CACNA1D: variants seen among roughly 807,000 people sequenced by gnomAD.
CACNA1D encodes voltage-dependent L-type calcium channel subunit alpha-1D.
Under a neutral mutation model 257.1 loss-of-function variants are expected in CACNA1D, and 55 were observed. The observed-to-expected ratio is 0.21, with a 90% CI of 0.17 to 0.27. The LOEUF is 0.27. Ranked by LOEUF, CACNA1D falls within the 10% of genes least tolerant of loss-of-function variation. The probability of loss-of-function intolerance (pLI) is 1.00; values close to 1 mark genes in which losing one functional copy is unlikely to be tolerated. For missense variants in CACNA1D, 1,876 were observed against 2,784.0 expected, an observed-to-expected ratio of 0.67 and a Z score of 7.34; for synonymous variants, 980 against 1,014.9, an observed-to-expected ratio of 0.97 and a Z score of 0.65.
At chr3:53,547,161 A>G (rs1376635726) in intron 3 of CACNA1D, among the ~76,000 whole-genome samples, 1 of 152,184 alleles carries the variant, frequency 6.6e-6, no homozygotes, top group Non-Finnish European at 1.5e-5. Context: ...GGTGTCTGGA[A>G]TCTTAGTCCA....
chr3:53,662,674 G>C (rs1239540515), intron 5 of CACNA1D, among the ~76,000 whole-genome samples: 1 of 151,586 alleles, frequency 6.6e-6, no homozygotes, highest in Non-Finnish European at 1.5e-5. Context: ...CTGCCTCCTT[G>C]ACTAGAGTCC....
In CACNA1D at chr3:53,801,000, G is replaced by C; in HGVS notation, c.5041-58G>C. The C allele has an allele frequency of 6.3e-7, 1 of 1,574,834 alleles. No individual in the cohort carries two copies. The highest frequency in any genetic ancestry group is 1.1e-5 in the South Asian group (1 of 90,244). Reference sequence around the variant, plus strand: ...CATGTAGAAAAAGTTACCTAACATAGCTAGTCTGCATCAAATACTTGTTAA... The same window carrying C: ...CATGTAGAAAAAGTTACCTAACATACCTAGTCTGCATCAAATACTTGTTAA... On this transcript the variant is annotated intron_variant, in intron 41 of 47. Transcript: ENST00000350061. This position sits in a 1 kb window ranked among gnomAD's most constrained non-coding sequence, Gnocchi z 4.3.
At chr3:53,686,774 T>C (rs1198866173) in intron 8 of CACNA1D, among the ~76,000 whole-genome samples, 3 of 152,050 alleles carry the variant, frequency 2.0e-5, no homozygotes, top group African/African-American at 7.2e-5. Flanking sequence ...CTATCTTCTT[T>C]TATTCAATGT....
At chr3:53,685,560 T>C (rs958051569) in intron 8 of CACNA1D, among the ~76,000 whole-genome samples, 1 of 152,188 alleles carries the variant, frequency 6.6e-6, no homozygotes, top group Non-Finnish European at 1.5e-5. Flanking sequence ...TTCACCGACA[T>C]AGACCATATC....
chr3:53,766,816 C>T (rs1194180466), intron 30 of CACNA1D, among the ~76,000 whole-genome samples: 2 of 152,178 alleles, frequency 1.3e-5, no homozygotes, highest in Non-Finnish European at 2.9e-5. Flanking sequence ...TTTGTCTTGT[C>T]CAAGCCCTGA....
At chr3:53,761,554 C>T (rs1020319251) in intron 29 of CACNA1D, among the ~76,000 whole-genome samples, 2 of 152,222 alleles carry the variant, frequency 1.3e-5, no homozygotes, top group Non-Finnish European at 2.9e-5. Flanking sequence ...TTTGAAGGAG[C>T]ACAGAAATGG....
Position 53,749,257 on chromosome 3 carries a change from T to C in CACNA1D, c.3315-11T>C. On this transcript the variant is annotated splice_polypyrimidine_tract_variant and intron_variant, in intron 26 of 47. Transcript: ENST00000350061. The stretch of plus-strand genomic sequence containing the variant: ...GCTTGGCAGGTCCTCACTTGGTTTT[T>C]CTCTCTCTAGGTTGCTGTATAAAGC... The C allele has an allele frequency of 2.5e-6, 4 of 1,610,074 alleles. No homozygotes were observed. Among genetic ancestry groups the C allele is most frequent in the Non-Finnish European group, 3.4e-6 (4 of 1,176,450 alleles).
At chr3:53,502,483 G>A (rs1395746988) in intron 3 of CACNA1D, among the ~76,000 whole-genome samples, 4 of 130,258 alleles carry the variant, frequency 3.1e-5, no homozygotes, top group Non-Finnish European at 6.6e-5. Context: ...TTTTTTTTTT[G>A]GCAAAAGACT....
At chr3:53,799,645 C>T (rs1336519522) in intron 40 of CACNA1D, among the ~76,000 whole-genome samples, 3 of 152,198 alleles carry the variant, frequency 2.0e-5, no homozygotes, top group African/African-American at 4.8e-5. Flanking sequence ...CCACGGTGGC[C>T]GGGTCGGTGT....
At chr3:53,613,797 T>A (rs918763505) in intron 3 of CACNA1D, among the ~76,000 whole-genome samples, 9 of 152,162 alleles carry the variant, frequency 5.9e-5, no homozygotes, top group Admixed American at 2.0e-4. Context: ...ATACAAGGTT[T>A]CGGGCAGTTT....
chr3:53,543,812 C>T (rs2092355322), intron 3 of CACNA1D, among the ~76,000 whole-genome samples: 1 of 152,184 alleles, frequency 6.6e-6, no homozygotes, highest in East Asian at 1.9e-4. Context: ...ATACCCAGAT[C>T]AGCCTAACAG....
intron 6 of CACNA1D, 60 bp downstream of exon 6, chr3:53,665,872 A>G: frequency 7.3e-7 from 1 of 1,362,458 alleles, no homozygotes; most frequent in East Asian, 2.3e-5. Context: ...CCCCAAAGCA[A>G]CTTTCATGGT....
intron 9 of CACNA1D, among the ~76,000 whole-genome samples, chr3:53,717,489 T>C (rs1275092428): frequency 6.6e-6 from 1 of 152,228 alleles, no homozygotes; most frequent in African/African-American, 2.4e-5. Flanking sequence ...GGGTGGACCC[T>C]GGACCTCCAC....
rs956642174 is a variant in CACNA1D, at chr3:53,707,494, T to C, written c.1390+4684T>C. Among the ~76,000 whole-genome samples the C allele has an allele frequency of 2.0e-4, 31 of 152,312 alleles. 1 individual carries two copies. The highest frequency in any genetic ancestry group is 7.0e-4 in the African/African-American group (29 of 41,566). ...AGGTAGCTCCAGCTTTGTGCATTCA[T>C]AGAATATTTAAAATGTCAATTTCAT... On this transcript the variant is annotated intron_variant, in intron 9 of 47. Coordinates refer to ENST00000350061, the MANE Select transcript of CACNA1D (RefSeq NM_001128840.3).
Position 53,497,542 on chromosome 3 carries a change from A to C in CACNA1D, c.377+81A>C. On this transcript the variant is annotated intron_variant, in intron 2 of 47. Coordinates refer to ENST00000350061, the MANE Select transcript of CACNA1D (RefSeq NM_001128840.3). ...AAAAGGATTTGCTTTCTGAAGTGAC[A>C]CAAAGCTGTAGCAGTCTGGAATGCG... The C allele has an allele frequency of 1.1e-5, 15 of 1,408,850 alleles. No individual in the cohort carries two copies. In the South Asian group the frequency reaches 1.7e-4, roughly 16 times the overall value. 87.3% of individuals were successfully genotyped at this position (1,408,850 alleles called of 1,614,324 possible).
chr3:53,809,125 C>T (rs557437565), intron 46 of CACNA1D: 18 of 272,386 alleles, frequency 6.6e-5, no homozygotes, highest in Middle Eastern at 1.2e-3. Flanking sequence ...TCTGAACAAG[C>T]GGTGCAGCCC....
At chr3:53,680,199 T>G (rs1197351218) in intron 8 of CACNA1D, among the ~76,000 whole-genome samples, 3 of 152,148 alleles carry the variant, frequency 2.0e-5, no homozygotes, top group Admixed American at 2.0e-4. Context: ...GGAAACGAGG[T>G]AAGTGAAAGT....
chr3:53,792,129 T>C (rs1278884318), intron 40 of CACNA1D: 2 of 152,256 alleles, frequency 1.3e-5, no homozygotes, highest in African/African-American at 4.8e-5. Flanking sequence ...TTTTCTGTTC[T>C]GTACCATACT....
intron 3 of CACNA1D, among the ~76,000 whole-genome samples, chr3:53,541,464 G>A (rs1339754761): frequency 6.6e-6 from 1 of 152,186 alleles, no homozygotes; most frequent in East Asian, 1.9e-4. Flanking sequence ...GCCTGCGCTT[G>A]TGTGGAGCAA....
Sources: allele counts gnomAD v4.1 joint callset (sites outside exome capture counted in the v4.1 genomes callset), GRCh38; gene constraint gnomAD v4.1.1; non-coding constraint Gnocchi (gnomAD v3.1); transcripts MANE v1.5; gene names NCBI Gene and HGNC (gene_info 2026-07-23, HGNC 2026-07-21).